Variants in ALG5 observed in about 807,000 individuals in gnomAD.
ALG5 encodes the protein dolichyl-phosphate beta-glucosyltransferase.
ALG5 carries 26 observed loss-of-function variants against 51.8 expected under a neutral mutation model. The observed-to-expected ratio is 0.50, with a 90% CI of 0.37 to 0.70. The LOEUF (loss-of-function observed/expected upper bound fraction) is 0.70, where lower values mean the gene tolerates loss of function less well. ALG5 is among the 30% of genes least tolerant of loss of function. The pLI is 0.00. For synonymous variants in ALG5, 141 were observed against 136.1 expected, an observed-to-expected ratio of 1.04 and a Z score of -0.25; for missense variants, 311 against 399.3, an observed-to-expected ratio of 0.78 and a Z score of 1.88.
intron 8 of ALG5, among the ~76,000 whole-genome samples, chr13:36,962,767 A>G (rs1034156782): frequency 6.6e-6 from 1 of 152,242 alleles, no homozygotes; most frequent in African/African-American, 2.4e-5. Flanking sequence ...CTAATACAAC[A>G]GCCCCTCAGC....
At chr13:36,969,630 GTT>G (rs2138796921) in intron 7 of ALG5, among the ~76,000 whole-genome samples, 1 of 152,168 alleles carries the variant, frequency 6.6e-6, no homozygotes. Context: ...TGCCTCCCGG[GTT>G]CACGTGATTC....
chr13:36,965,454 A>T, intron 8 of ALG5, 121 bp downstream of exon 8: 1 of 1,053,164 alleles, frequency 9.5e-7, no homozygotes, highest in Non-Finnish European at 1.4e-6. Flanking sequence ...AAGTTTACAT[A>T]CATTATTGTC....
In ALG5 at chr13:36,965,601, C is replaced by T. The variant is rs148246994; in HGVS notation, c.747G>A (p.Thr249=). The change falls in exon 8 of 10, where the codon ACG becomes ACA. Residue 249 remains threonine, a synonymous_variant. Coordinates refer to ENST00000239891, the MANE Select transcript of ALG5 (RefSeq NM_013338.5). ...ATCGTTCAACGTGTAGAGATGAAAA[C>T]GTCCGTGAAGCTGCTTCTCGAGTAA... ...KLFTREAASR[T]FSSLHVERWA... The T allele has an allele frequency of 1.1e-4, 181 of 1,613,836 alleles. No homozygotes were observed. The highest frequency in any genetic ancestry group is 1.3e-4 in the East Asian group (6 of 44,858).
chr13:36,993,334 A>G (rs551465569), intron 4 of ALG5, among the ~76,000 whole-genome samples: 1 of 152,328 alleles, frequency 6.6e-6, no homozygotes, highest in African/African-American at 2.4e-5. Context: ...AGGAAGCACA[A>G]ATTGGTAGGC....
intron 8 of ALG5, among the ~76,000 whole-genome samples, chr13:36,957,163 G>A (rs1324580546): frequency 2.0e-5 from 3 of 151,788 alleles, no homozygotes; most frequent in African/African-American, 7.3e-5. Flanking sequence ...AAACTATCAA[G>A]CAGATAGTCA....
intron 7 of ALG5, among the ~76,000 whole-genome samples, chr13:36,966,585 C>G (rs2058894593): frequency 6.6e-6 from 1 of 152,170 alleles, no homozygotes. Context: ...TCATGGTTCA[C>G]TGCAGCCTCA....
chr13:36,952,469 G>T (rs2058822764), intron 9 of ALG5, 45 bp downstream of exon 9: 1 of 1,387,056 alleles, frequency 7.2e-7, no homozygotes, highest in Non-Finnish European at 1.0e-6. Flanking sequence ...CTAAACAACT[G>T]TATTATCTGA....
chr13:36,974,996 A>G (rs2058943493), intron 6 of ALG5, among the ~76,000 whole-genome samples: 1 of 152,160 alleles, frequency 6.6e-6, no homozygotes, highest in African/African-American at 2.4e-5. Context: ...GCACATCACA[A>G]GATCAAGATA....
chr13:36,980,669 G>C (rs1460033009), intron 6 of ALG5, among the ~76,000 whole-genome samples: 1 of 152,264 alleles, frequency 6.6e-6, no homozygotes, highest in South Asian at 2.1e-4. Flanking sequence ...GAAAATACAA[G>C]TAAAATATAA....
chr13:36,978,291 G>C (rs542174108), intron 6 of ALG5, among the ~76,000 whole-genome samples: 1 of 150,514 alleles, frequency 6.6e-6, no homozygotes, highest in East Asian at 2.0e-4. Context: ...GGCTTCAAGA[G>C]ATTCTCCTAT....
chr13:36,952,438 C>A, intron 9 of ALG5, 76 bp downstream of exon 9: 2 of 1,040,636 alleles, frequency 1.9e-6, no homozygotes, highest in Non-Finnish European at 2.9e-6. Context: ...GCAAGGAGAA[C>A]ATTAAAGCCA....
Position 36,949,884 on chromosome 13 carries a change from CA to C in ALG5, c.*57del, listed in dbSNP as rs371970364. ...TCAGCTTTACTTAAAATTTTAGTTTCAAATGAAATGAAATGTGACACTGAAG... is the reference window on the plus strand; with the variant it reads ...TCAGCTTTACTTAAAATTTTAGTTTCAATGAAATGAAATGTGACACTGAAG... On this transcript the variant is annotated 3_prime_UTR_variant, in exon 10 of 10. Transcript: ENST00000239891. The C allele has an allele frequency of 8.1e-5, 87 of 1,072,562 alleles. 2 individuals are homozygous for C. In the African/African-American group the frequency reaches 1.1e-3, roughly 13 times the overall value. The allele number at this position is 1,072,562 out of a possible 1,614,324, so 66.4% of individuals were successfully genotyped here. A position where few individuals can be genotyped will look rare whatever the true frequency, so the allele number is the denominator to read the frequency against.
chr13:36,971,603 C>T (rs568662877), intron 7 of ALG5, among the ~76,000 whole-genome samples: 74 of 128,752 alleles, frequency 5.7e-4, no homozygotes, highest in Non-Finnish European at 8.4e-4. Context: ...GAGCCAAGAT[C>T]GCACCACTGC....
chr13:36,968,837 G>A (rs960277151), intron 7 of ALG5, among the ~76,000 whole-genome samples: 1 of 152,222 alleles, frequency 6.6e-6, no homozygotes, highest in Admixed American at 6.5e-5. Context: ...TGCATGTCTT[G>A]TGCCTTCTTG....
Position 36,985,695 on chromosome 13 carries a change from C to T in ALG5, c.493G>A (p.Asp165Asn). The change falls in exon 6 of 10, where the codon GAT becomes AAT. Residue 165 changes from aspartate to asparagine, a missense_variant. Physicochemically the swap from Asp to Asn is conservative, Grantham distance 23. Coordinates refer to ENST00000239891, the MANE Select transcript of ALG5 (RefSeq NM_013338.5). ...RGEKILMADA[D>N]GATKFPDVEK... ...ACATCTGGAAACTTTGTGGCTCCAT[C>T]AGCATCTGCCATAAGGATCTTTTCT... 1 of 1,613,810 alleles carries T rather than the reference C, an allele frequency of 6.2e-7. No individual in the cohort carries two copies. The highest frequency in any genetic ancestry group is 8.5e-7 in the Non-Finnish European group (1 of 1,179,916).
chr13:36,954,076 C>A (rs2058829566), intron 8 of ALG5, among the ~76,000 whole-genome samples: 1 of 151,628 alleles, frequency 6.6e-6, no homozygotes. Context: ...AAAAAAAATC[C>A]TAGACCAAAA....
chr13:36,982,601 C>A (rs897700632), intron 6 of ALG5, among the ~76,000 whole-genome samples: 1 of 152,200 alleles, frequency 6.6e-6, no homozygotes, highest in Non-Finnish European at 1.5e-5. Context: ...AGAAAAAGTT[C>A]TCTAACACCT....
chr13:36,993,716 C>A, intron 3 of ALG5, 44 bp from the exon 4 acceptor site: 1 of 1,497,898 alleles, frequency 6.7e-7, no homozygotes, highest in South Asian at 1.1e-5. Flanking sequence ...GCATAACTGC[C>A]ATAAAGTATT....
At chr13:36,961,365 T>C (rs963202907) in intron 8 of ALG5, among the ~76,000 whole-genome samples, 10 of 152,160 alleles carry the variant, frequency 6.6e-5, no homozygotes, top group Admixed American at 2.6e-4. Context: ...CAGTGAGCCA[T>C]GTTCACTCCA....
Sources: allele counts gnomAD v4.1 joint callset (sites outside exome capture counted in the v4.1 genomes callset), GRCh38; gene constraint gnomAD v4.1.1; transcripts MANE v1.5; gene names NCBI Gene and HGNC (gene_info 2026-07-23, HGNC 2026-07-21).